The following SCAPER variants were observed in gnomAD, a reference collection of about 807,000 sequenced individuals.
SCAPER encodes S phase cyclin A-associated protein in the endoplasmic reticulum.
A neutral mutation model predicts 182.2 loss-of-function variants in SCAPER; 98 were observed. That is an observed-to-expected ratio of 0.54 (90% confidence interval 0.46 to 0.64). The LOEUF is 0.64. SCAPER is among the 30% of genes least tolerant of loss of function. The pLI is 0.00. For synonymous variants in SCAPER, 605 were observed against 564.6 expected (o/e 1.07, Z -1.01); for missense variants, 1,432 against 1,690.0 (o/e 0.85, Z 2.68).
chr15:76,618,241 T>TA (rs1487607938), intron 22 of SCAPER, among the ~76,000 whole-genome samples: 31 of 152,278 alleles, frequency 2.0e-4, no homozygotes, highest in African/African-American at 7.2e-4. Flanking sequence ...GCCTGGGTGA[T>TA]AGAGTGAGAC....
intron 26 of SCAPER, among the ~76,000 whole-genome samples, chr15:76,433,344 C>T (rs2046986633): frequency 6.6e-6 from 1 of 152,094 alleles, no homozygotes; most frequent in Non-Finnish European, 1.5e-5. Flanking sequence ...CTTATCTCTA[C>T]TAAAAATACA....
intron 24 of SCAPER, among the ~76,000 whole-genome samples, chr15:76,481,088 G>T (rs955437057): frequency 6.6e-6 from 1 of 152,104 alleles, no homozygotes; most frequent in Non-Finnish European, 1.5e-5. Context: ...AGCCAATCTG[G>T]TTTATTCTCA....
intron 23 of SCAPER, among the ~76,000 whole-genome samples, chr15:76,558,339 C>T (rs778058106): frequency 6.6e-6 from 1 of 152,150 alleles, no homozygotes; most frequent in African/African-American, 2.4e-5. Flanking sequence ...AGGACACAGA[C>T]AGACACCTCT....
chr15:76,841,200 A>G (rs1413491320), intron 5 of SCAPER, among the ~76,000 whole-genome samples: 1 of 151,968 alleles, frequency 6.6e-6, no homozygotes, highest in South Asian at 2.1e-4. Context: ...CCTAAAATAT[A>G]TAATTAGGTA....
rs1284434605 is a variant in SCAPER at position 76,539,102 on chromosome 15, T to G, written c.2839-34128A>C. ...AAAAGTTTCAACTAAAAAACTAAGC[T>G]GAATGTTTTTGAAAGATTCAATAAT... On this transcript the variant is annotated intron_variant, in intron 23 of 31. Coordinates refer to ENST00000563290, the MANE Select transcript of SCAPER (RefSeq NM_020843.4). Among the ~76,000 whole-genome samples, 6 of 151,322 alleles carry G rather than the reference T, an allele frequency of 4.0e-5. No homozygotes were observed. In the East Asian group the frequency reaches 1.2e-3, roughly 29 times the overall value.
chr15:76,525,636 T>C (rs998333158), intron 23 of SCAPER, among the ~76,000 whole-genome samples: 1 of 152,212 alleles, frequency 6.6e-6, no homozygotes, highest in Non-Finnish European at 1.5e-5. Flanking sequence ...TTTCTGTTCC[T>C]GCATTAGTTT....
chr15:76,665,882 G>T, intron 20 of SCAPER, 93 bp from the exon 21 acceptor site: 1 of 1,094,814 alleles, frequency 9.1e-7, no homozygotes. Flanking sequence ...TAAGACATTT[G>T]ATGAAACTAA....
chr15:76,839,127 A>G (rs1275620334), intron 5 of SCAPER, among the ~76,000 whole-genome samples: 1 of 152,232 alleles, frequency 6.6e-6, no homozygotes, highest in Non-Finnish European at 1.5e-5. Context: ...TCTTCTTTTG[A>G]TTACAAAGTT....
rs187578095 is a variant in SCAPER at position 76,893,790 on chromosome 15, A to C, written c.-59-9914T>G. Among the ~76,000 whole-genome samples, 932 of 152,348 alleles carry C rather than the reference A, an allele frequency of 6.1e-3. 4 individuals carry two copies. The highest frequency in any genetic ancestry group is 0.02 in the Middle Eastern group (6 of 294). On this transcript the variant is annotated intron_variant, in intron 1 of 31. Transcript: ENST00000563290. ...ACTGGAAAATTCACAAATATGTGGA[A>C]ATTAAACAACACACAACTAAACAAT... is the stretch of plus-strand genomic sequence containing the variant.
At position 76,905,171 on chromosome 15, in the gene SCAPER, G is replaced by T. The variant is rs888049252; in HGVS notation, c.-60+128C>A. On this transcript the variant is annotated intron_variant, in intron 1 of 31. Coordinates refer to ENST00000563290, the MANE Select transcript of SCAPER (RefSeq NM_020843.4). ...CGCTCAACTCGCACTCCCAGGTGAG[G>T]GGAGGGGGTGAAAGGGCGTACCCCG... 5 of 158,014 alleles carry T rather than the reference G, an allele frequency of 3.2e-5. No homozygotes were observed. The South Asian group carries it at 5.9e-4, about 19-fold the overall frequency. 9.8% of individuals were successfully genotyped at this position (158,014 alleles called of 1,614,324 possible).
chr15:76,548,121 G>GA (rs35331749), intron 23 of SCAPER, among the ~76,000 whole-genome samples: 146,697 of 151,412 alleles, frequency 0.97, 71,207 homozygotes, highest in East Asian at 1. Context: ...TTCCCGTTCA[G>GA]AAAAAAAAAG....
rs547102426 is a variant in SCAPER, at chr15:76,591,187, T to TA, written c.2712-16904dup. ...CCTCAACCCTTAAATTTATACAAAT[T>TA]AAAAAAAAGAAAAAGAAAAATGCAG... On this transcript the variant is annotated intron_variant, in intron 22 of 31. Transcript: ENST00000563290. 1.2e-3 allele frequency among the ~76,000 whole-genome samples: 177 copies of TA among 151,812 alleles called. 1 individual carries two copies. The highest frequency in any genetic ancestry group is 4.1e-3 in the African/African-American group (168 of 41,422).
chr15:76,726,974 T>C (rs1489558369), intron 17 of SCAPER, among the ~76,000 whole-genome samples: 2 of 151,994 alleles, frequency 1.3e-5, no homozygotes, highest in Non-Finnish European at 2.9e-5. Flanking sequence ...GACTGTAAAC[T>C]TAAAAATGAT....
In SCAPER at chr15:76,389,830, A is replaced by G. The variant is rs1231047115; in HGVS notation, c.3468-8215T>C. ...GACTCCGTCTCAAAAAAAAAAAAAAAAAGAAGAAAAAGAACAGTAAAAATA... is the reference window on the plus strand; with the variant it reads ...GACTCCGTCTCAAAAAAAAAAAAAAGAAGAAGAAAAAGAACAGTAAAAATA... On this transcript the variant is annotated intron_variant, in intron 27 of 31. Transcript: ENST00000563290. 1.2e-4 allele frequency among the ~76,000 whole-genome samples: 18 copies of G among 151,762 alleles called. 1 individual carries two copies. Among genetic ancestry groups the G allele is most frequent in the African/African-American group, 2.4e-4 (10 of 41,428 alleles).
intron 23 of SCAPER, among the ~76,000 whole-genome samples, chr15:76,561,134 AG>A (rs1201407672): frequency 6.6e-6 from 1 of 152,226 alleles, no homozygotes; most frequent in Non-Finnish European, 1.5e-5. Flanking sequence ...AGCTTAGAGT[AG>A]AATATAGCCA....
intron 3 of SCAPER, among the ~76,000 whole-genome samples, 189 bp from the exon 4 acceptor site, chr15:76,858,068 AAAC>A (rs1359159343): frequency 6.6e-6 from 1 of 152,140 alleles, no homozygotes; most frequent in Admixed American, 6.6e-5. Flanking sequence ...GATATAATTA[AAAC>A]AACAACAACA....
At chr15:76,723,275 T>A (rs537206126) in intron 17 of SCAPER, among the ~76,000 whole-genome samples, 5 of 152,356 alleles carry the variant, frequency 3.3e-5, no homozygotes, top group Non-Finnish European at 7.3e-5. Flanking sequence ...CTAGTTTGAT[T>A]GCACTGTGGT....
intron 20 of SCAPER, among the ~76,000 whole-genome samples, chr15:76,695,785 CTA>C (rs1258340671): frequency 6.6e-6 from 1 of 151,908 alleles, no homozygotes; most frequent in Non-Finnish European, 1.5e-5. Flanking sequence ...TAATAATAAG[CTA>C]TATATGTGTG....
chr15:76,558,848 TATTAGCCATA>T (rs2145100600), intron 23 of SCAPER, among the ~76,000 whole-genome samples: 1 of 152,214 alleles, frequency 6.6e-6, no homozygotes, highest in Admixed American at 6.5e-5. Context: ...CACCATGGAA[TATTAGCCATA>T]AAAAAGAATG....
Sources: gnomAD v4.1 joint callset for allele counts (sites outside exome capture counted in the v4.1 genomes callset) on GRCh38, gnomAD v4.1.1 for gene constraint, MANE v1.5 for transcripts, NCBI Gene and HGNC (gene_info 2026-07-23, HGNC 2026-07-21) for gene names.